The following DLG2 variants were observed in gnomAD, a reference collection of about 807,000 sequenced individuals.
DLG2 encodes the protein disks large homolog 2.
DLG2 carries 45 observed loss-of-function variants against 132.5 expected under a neutral mutation model. The ratio of observed to expected loss-of-function variants is 0.34; its 90% CI spans 0.27 to 0.44. The LOEUF is 0.44. DLG2 is among the 20% of genes least tolerant of loss of function. DLG2 has a pLI of 1.00. For synonymous variants in DLG2, 424 were observed against 419.6 expected (o/e 1.01, Z -0.13); for missense variants, 1,045 against 1,196.9 (o/e 0.87, Z 1.87).
chr11:83,608,731 C>T (rs2059692040), intron 19 of DLG2, among the ~76,000 whole-genome samples: 1 of 151,234 alleles, frequency 6.6e-6, no homozygotes, highest in African/African-American at 2.4e-5. Flanking sequence ...CACGCACACA[C>T]ACAGAGAGAG....
At chr11:83,988,573 A>G (rs2093496835) in intron 11 of DLG2, among the ~76,000 whole-genome samples, 1 of 151,964 alleles carries the variant, frequency 6.6e-6, no homozygotes, top group Admixed American at 6.6e-5. Context: ...TGTTTGTGTG[A>G]TCTCTGATTT....
chr11:85,485,786 G>A (rs538680529), intron 3 of DLG2, among the ~76,000 whole-genome samples: 24 of 152,276 alleles, frequency 1.6e-4, no homozygotes, highest in African/African-American at 4.3e-4. Flanking sequence ...CGCTCCAGAC[G>A]GGGAACCCAC....
chr11:84,398,449 A>C (rs2098818320), intron 7 of DLG2, among the ~76,000 whole-genome samples: 1 of 152,242 alleles, frequency 6.6e-6, no homozygotes, highest in Non-Finnish European at 1.5e-5. Context: ...CCAGGAAGGC[A>C]GAAAGGACTA....
At chr11:84,672,641 G>A (rs1007544969) in intron 6 of DLG2, among the ~76,000 whole-genome samples, 11 of 152,006 alleles carry the variant, frequency 7.2e-5, no homozygotes, top group African/African-American at 1.7e-4. Context: ...CTAGAAAAGC[G>A]CCTTAAAATG....
chr11:83,796,715 C>T (rs775476312), intron 17 of DLG2, among the ~76,000 whole-genome samples: 1 of 152,134 alleles, frequency 6.6e-6, no homozygotes, highest in African/African-American at 2.4e-5. Flanking sequence ...TGTGTGCCTA[C>T]CGTAGTGCCT....
chr11:83,747,443 T>C (rs2093005952), intron 18 of DLG2, among the ~76,000 whole-genome samples: 1 of 151,970 alleles, frequency 6.6e-6, no homozygotes. Context: ...CAATTCTGGC[T>C]CACTGCAACC....
chr11:83,900,168 A>T (rs2073020379), intron 15 of DLG2, among the ~76,000 whole-genome samples: 1 of 152,200 alleles, frequency 6.6e-6, no homozygotes, highest in Non-Finnish European at 1.5e-5. Context: ...GCAGCAAAGC[A>T]TTCAACAGGT....
intron 18 of DLG2, among the ~76,000 whole-genome samples, chr11:83,730,557 C>G (rs1322957403): frequency 1.3e-5 from 2 of 152,120 alleles, no homozygotes; most frequent in African/African-American, 4.8e-5. Flanking sequence ...CCCTGCTTTT[C>G]TACCAGGGAG....
chr11:84,669,722 G>C (rs1480727213), intron 6 of DLG2, among the ~76,000 whole-genome samples: 1 of 151,838 alleles, frequency 6.6e-6, no homozygotes, highest in African/African-American at 2.4e-5. Flanking sequence ...TGATCAAATG[G>C]CCACCTGACA....
chr11:85,578,376 C>G (rs899627747), intron 3 of DLG2, among the ~76,000 whole-genome samples: 1 of 151,996 alleles, frequency 6.6e-6, no homozygotes, highest in Non-Finnish European at 1.5e-5. Flanking sequence ...GCAACAAAAG[C>G]AAAAATTGAC....
At chr11:85,320,919 T>A (rs2081020675) in intron 3 of DLG2, among the ~76,000 whole-genome samples, 1 of 151,454 alleles carries the variant, frequency 6.6e-6, no homozygotes. Context: ...TTTTTTTCAG[T>A]AAGGAAAATC....
intron 6 of DLG2, among the ~76,000 whole-genome samples, chr11:84,950,858 GA>G (rs1164513942): frequency 6.6e-6 from 1 of 150,396 alleles, no homozygotes; most frequent in Admixed American, 6.6e-5. Flanking sequence ...AATTTGGCTA[GA>G]AAAAAAAACT....
intron 7 of DLG2, among the ~76,000 whole-genome samples, chr11:84,526,578 CAGAG>C (rs780797686): frequency 2.0e-5 from 3 of 152,038 alleles, no homozygotes; most frequent in Admixed American, 6.6e-5. Context: ...TTTTGAGAGA[CAGAG>C]AGAGAGCACA....
intron 26 of DLG2, among the ~76,000 whole-genome samples, chr11:83,463,713 C>G (rs1473768542): frequency 6.6e-6 from 1 of 152,188 alleles, no homozygotes; most frequent in East Asian, 1.9e-4. Flanking sequence ...ATGGCTTGAG[C>G]CCACGAGGTC....
At chr11:84,135,184 A>T (rs2094558203) in intron 9 of DLG2, among the ~76,000 whole-genome samples, 1 of 152,094 alleles carries the variant, frequency 6.6e-6, no homozygotes, top group African/African-American at 2.4e-5. Flanking sequence ...GGTGATCAGT[A>T]AATACTTATT....
chr11:84,907,921 T>C (rs1014364536), intron 6 of DLG2, among the ~76,000 whole-genome samples: 1 of 152,182 alleles, frequency 6.6e-6, no homozygotes, highest in African/African-American at 2.4e-5. Context: ...AAAGTTCCCT[T>C]TTAAATCTAG....
At chr11:84,362,314 A>C (rs942548130) in intron 7 of DLG2, among the ~76,000 whole-genome samples, 4 of 152,112 alleles carry the variant, frequency 2.6e-5, no homozygotes, top group African/African-American at 9.6e-5. Flanking sequence ...GGTAACTCTA[A>C]GAAATCCCTG....
chr11:85,401,538 G>T (rs1243573576), intron 3 of DLG2, among the ~76,000 whole-genome samples: 1 of 152,154 alleles, frequency 6.6e-6, no homozygotes, highest in African/African-American at 2.4e-5. Context: ...AGGAAAAGAG[G>T]AAGTCAAATT....
chr11:83,615,860 C>G (rs1424549175), intron 19 of DLG2, among the ~76,000 whole-genome samples: 2 of 152,178 alleles, frequency 1.3e-5, no homozygotes, highest in Non-Finnish European at 2.9e-5. Context: ...AGAAACACAG[C>G]CTGCTGATAC....
Sources: gnomAD v4.1 joint callset for allele counts (sites outside exome capture counted in the v4.1 genomes callset) on GRCh38, gnomAD v4.1.1 for gene constraint, MANE v1.5 for transcripts, NCBI Gene and HGNC (gene_info 2026-07-23, HGNC 2026-07-21) for gene names.